SEC14L1: variants seen among roughly 807,000 people sequenced by gnomAD.
The protein encoded by SEC14L1 is SEC14 like lipid binding 1.
SEC14L1 carries 48 observed loss-of-function variants against 85.3 expected under a neutral mutation model. The observed-to-expected ratio is 0.56, with a 90% CI of 0.45 to 0.72. SEC14L1 has a LOEUF of 0.72. Among genes scored for constraint, SEC14L1 ranks in the 30% least tolerant of loss-of-function variants. SEC14L1 has a pLI of 0.00. For missense variants in SEC14L1, 682 were observed against 921.4 expected (o/e 0.74, Z 3.36); for synonymous variants, 391 against 355.5 (o/e 1.10, Z -1.12).
intron 3 of SEC14L1, among the ~76,000 whole-genome samples, chr17:77,112,765 T>C (rs1406328561): frequency 1.3e-5 from 2 of 151,916 alleles, no homozygotes; most frequent in Non-Finnish European, 2.9e-5. Flanking sequence ...TCCCAGCTAC[T>C]TGGGAGGCTG....
In SEC14L1 at chr17:77,191,278, A is replaced by G. The variant is rs768061912; in HGVS notation, c.311A>G (p.Asn104Ser). The G allele has an allele frequency of 1.5e-5, 25 of 1,614,052 alleles. No homozygotes were observed. The highest frequency in any genetic ancestry group is 6.7e-5 in the East Asian group (3 of 44,900). ...GAGGCTTATAATGAAACGTTTTCCA[A>G]TCGGGTCATCATTAATGAGCATTGC... ...HIEAYNETFS[N>S]RVIINEHCCY... is the part of the protein sequence containing the mutation. Residue 104 changes from asparagine (N) to serine (S), a missense_variant, in exon 5 of 17, where the codon AAT (asparagine) becomes AGT (serine). Asn to Ser is a conservative substitution (Grantham distance 46, BLOSUM62 1). Coordinates refer to ENST00000436233, the MANE Select transcript of SEC14L1 (RefSeq NM_001143998.2).
At position 77,206,343 on chromosome 17, in the gene SEC14L1, A is replaced by G. The variant is rs754646487; in HGVS notation, c.1284A>G (p.Thr428=). 5.6e-6 allele frequency: 9 copies of G among 1,614,032 alleles called. No individual in the cohort carries two copies. In the South Asian group the frequency reaches 8.8e-5, roughly 16 times the overall value. ...TGGTGGAGGCCAACTACCCTGAGAC[A>G]CTGGGCCGCCTTCTCATCCTGCGGG... ...IEVVEANYPE[T]LGRLLILRAP... is the part of the protein sequence containing the mutation. The change falls in exon 12 of 17, where the codon ACA becomes ACG. Residue 428 remains threonine, a synonymous_variant. Coordinates refer to ENST00000436233, the MANE Select transcript of SEC14L1 (RefSeq NM_001143998.2). The surrounding 1 kb of genome is among the most constrained non-coding windows in gnomAD (Gnocchi z 4.3).
chr17:77,161,736 T>TTTTA (rs1313547331), intron 3 of SEC14L1, among the ~76,000 whole-genome samples: 1 of 131,808 alleles, frequency 7.6e-6, no homozygotes, highest in East Asian at 2.0e-4. Context: ...TTTTTTTTTT[T>TTTTA]AAACAACCAG....
chr17:77,120,562 T>G (rs590740), intron 3 of SEC14L1, among the ~76,000 whole-genome samples: 148,909 of 151,542 alleles, frequency 0.98, 73,169 homozygotes, highest in East Asian at 1. Flanking sequence ...CTGTAACCTC[T>G]GCCTCCCAGG....
chr17:77,216,649 C>G lies in SEC14L1; in HGVS notation c.*2626C>G. On this transcript the variant is annotated 3_prime_UTR_variant, in exon 17 of 17. Coordinates refer to ENST00000436233, the MANE Select transcript of SEC14L1 (RefSeq NM_001143998.2). Reference sequence around the variant, plus strand: ...CTGTTTGAATTGCAGCCATCCCCTGCCCCCTCCCAGGCTGAAGATCTGTTC... The same window carrying G: ...CTGTTTGAATTGCAGCCATCCCCTGGCCCCTCCCAGGCTGAAGATCTGTTC... 1 of 1,608,140 alleles carries G rather than the reference C, an allele frequency of 6.2e-7. No individual in the cohort carries two copies. Among genetic ancestry groups the G allele is most frequent in the Non-Finnish European group, 8.5e-7 (1 of 1,175,466 alleles).
chr17:77,213,446 T>G lies in SEC14L1; in HGVS notation c.1996T>G (p.Cys666Gly). Residue 666 changes from cysteine (C) to glycine (G), a missense_variant, in exon 16 of 17, where the codon TGT becomes GGT. Around this residue, in one of 3 missense-constraint regions of SEC14L1, gnomAD observed 420 missense variants for 619.5 expected, o/e 0.68. Coordinates refer to ENST00000436233, the MANE Select transcript of SEC14L1 (RefSeq NM_001143998.2). This position sits in a 1 kb window ranked among gnomAD's most constrained non-coding sequence, Gnocchi z 7.1. ...GTCCCTGCAGGTCTCTTCGCACAAG[T>G]GTAAAGTGATGTACTACACCGAGGT... ...LASLQVSSHK[C>G]KVMYYTEVIG... is the part of the protein sequence containing the mutation. 1 of 1,612,502 alleles carries G rather than the reference T, an allele frequency of 6.2e-7. No homozygotes were observed. Among genetic ancestry groups the G allele is most frequent in the Non-Finnish European group, 8.5e-7 (1 of 1,180,022 alleles).
upstream of SEC14L1, among the ~76,000 whole-genome samples, chr17:77,138,264 A>C (rs1010002765): frequency 1.3e-5 from 2 of 152,092 alleles, no homozygotes; most frequent in Non-Finnish European, 1.5e-5. Flanking sequence ...ATGACTCCTA[A>C]ACCATAATTT....
chr17:77,106,120 A>G (rs1161253546), intron 3 of SEC14L1, among the ~76,000 whole-genome samples: 2 of 152,180 alleles, frequency 1.3e-5, no homozygotes, highest in African/African-American at 4.8e-5. Flanking sequence ...CTGGCAGGGC[A>G]TGGTGGCTCT....
chr17:77,127,064 T>C (rs919120056), intron 3 of SEC14L1, among the ~76,000 whole-genome samples: 2 of 151,936 alleles, frequency 1.3e-5, no homozygotes, highest in African/African-American at 4.8e-5. Context: ...GCAGGTTTGT[T>C]ATATAGGGGT....
At chr17:77,106,027 G>A (rs1047370024) in intron 3 of SEC14L1, among the ~76,000 whole-genome samples, 7 of 151,604 alleles carry the variant, frequency 4.6e-5, no homozygotes, top group Non-Finnish European at 7.4e-5. Flanking sequence ...ATATCAGTTC[G>A]TCTACCTAAT....
At chr17:77,195,783 T>G (rs1975780522) in intron 7 of SEC14L1, among the ~76,000 whole-genome samples, 1 of 152,196 alleles carries the variant, frequency 6.6e-6, no homozygotes, top group African/African-American at 2.4e-5. Context: ...CCACCAGATT[T>G]CTTACATTCT....
At chr17:77,133,723 G>A (rs190919147) in intron 3 of SEC14L1, among the ~76,000 whole-genome samples, 1 of 152,140 alleles carries the variant, frequency 6.6e-6, no homozygotes, top group Non-Finnish European at 1.5e-5. Flanking sequence ...TGGATCACAT[G>A]AGGTCAGGAG....
rs572735925 is a variant in SEC14L1, at chr17:77,100,393, C to CTTTT, written c.-136+7056_-136+7059dup. Among the ~76,000 whole-genome samples the CTTTT allele has an allele frequency of 1.3e-3, 73 of 56,102 alleles. 5 individuals are homozygous for CTTTT. The highest frequency in any genetic ancestry group is 2.4e-3 in the Non-Finnish European group (62 of 25,846). The allele number at this position is 56,102 out of a possible 152,430, so 36.8% of individuals were successfully genotyped here. ...TTTCCCCTTCCTTGGCTGGCTTTTT[C>CTTTT]TTTTTTTTTTTTTCTTTTCTTTCTC... is the stretch of plus-strand genomic sequence containing the variant. On this transcript the variant is annotated intron_variant, in intron 3 of 19. Transcript: ENST00000392476.
chr17:77,150,624 A>G (rs1973512293), intron 3 of SEC14L1, among the ~76,000 whole-genome samples: 2 of 152,340 alleles, frequency 1.3e-5, no homozygotes, highest in African/African-American at 2.4e-5. Flanking sequence ...TTCCTTAATC[A>G]GGGCCTCCGT....
rs572033651 is a variant in SEC14L1 at position 77,116,928 on chromosome 17, C to T, written c.-136+23581C>T. ...AGGATTTTTGGACCATGATTCCAGG[C>T]GGACACCCCATCTTTACAAAATTAA... is the stretch of plus-strand genomic sequence containing the variant. On this transcript the variant is annotated intron_variant, in intron 3 of 19. Coordinates refer to the SEC14L1 transcript ENST00000392476. Among the ~76,000 whole-genome samples the T allele has an allele frequency of 2.6e-5, 4 of 152,272 alleles. No individual in the cohort carries two copies. The East Asian group carries it at 7.7e-4, about 29-fold the overall frequency.
chr17:77,183,805 G>T (rs7214763), intron 3 of SEC14L1, among the ~76,000 whole-genome samples: 95,792 of 151,808 alleles, frequency 0.63, 30,361 homozygotes, highest in Middle Eastern at 0.71. Flanking sequence ...GTTCCTTGCT[G>T]CTTCTGTTTA....
In SEC14L1 at chr17:77,215,251, A is replaced by T; in HGVS notation, c.*1228A>T. 5 of 985,384 alleles carry T rather than the reference A, an allele frequency of 5.1e-6. No individual in the cohort carries two copies. The highest frequency in any genetic ancestry group is 6.0e-6 in the Non-Finnish European group (5 of 829,928). The allele number at this position is 985,384 out of a possible 1,614,324, so 61.0% of individuals were successfully genotyped here. A position where few individuals can be genotyped will look rare whatever the true frequency, so the allele number is the denominator to read the frequency against. ...TTTTAAAGCCTGCTCTATCTGGTAC[A>T]GGCCCTTATTTTTTCAGCTTTTTAT... is the stretch of plus-strand genomic sequence containing the variant. On this transcript the variant is annotated 3_prime_UTR_variant, in exon 17 of 17. Coordinates refer to ENST00000436233, the MANE Select transcript of SEC14L1 (RefSeq NM_001143998.2).
rs1207543617 is a variant in SEC14L1, at chr17:77,217,055, G to T, written c.*3032G>T. ...AATACAATACTGATAGTCTTTAAAAGATTTTTTTATTGTTATCAATAATAA... is the reference window on the plus strand; with the variant it reads ...AATACAATACTGATAGTCTTTAAAATATTTTTTTATTGTTATCAATAATAA... On this transcript the variant is annotated 3_prime_UTR_variant, in exon 17 of 17. Transcript: ENST00000436233. The T allele has an allele frequency of 6.5e-6, 1 of 153,328 alleles. No homozygotes were observed. The highest frequency in any genetic ancestry group is 6.5e-5 in the Admixed American group (1 of 15,378). The allele number at this position is 153,328 out of a possible 1,614,324, so 9.5% of individuals were successfully genotyped here. A position where few individuals can be genotyped will look rare whatever the true frequency, so the allele number is the denominator to read the frequency against.
rs1973708645 is a variant in SEC14L1, at chr17:77,154,409, C to T, written c.63+10750C>T. Among the ~76,000 whole-genome samples, 8 of 152,316 alleles carry T rather than the reference C, an allele frequency of 5.3e-5. 1 individual carries two copies. In the South Asian group the frequency reaches 1.7e-3, roughly 32 times the overall value. ...ATTGTTTGAGCCTAGGAGTTTGAGG[C>T]TGCAGTGCCACTCTGGCCTGTGTGA... On this transcript the variant is annotated intron_variant, in intron 3 of 16. Coordinates refer to ENST00000436233, the MANE Select transcript of SEC14L1 (RefSeq NM_001143998.2).
Sources: gnomAD v4.1 joint callset for allele counts (sites outside exome capture counted in the v4.1 genomes callset) on GRCh38, gnomAD v4.1.1 for gene constraint, gnomAD v4.1.1 regional missense constraint, Gnocchi (gnomAD v3.1) non-coding constraint, MANE v1.5 for transcripts, NCBI Gene and HGNC (gene_info 2026-07-23, HGNC 2026-07-21) for gene names.